Variants in ARB2A observed in about 807,000 individuals in gnomAD.
ARB2A encodes ARB2 cotranscriptional regulator A, also known as cotranscriptional regulator ARB2A.
At chr5:93,855,907 C>G in the ARB2A span, among the ~76,000 whole-genome samples, 2 of 151,848 alleles carry the variant, frequency 1.3e-5, no homozygotes, top group African/African-American at 4.8e-5. Flanking sequence ...AAGCAGAGCA[C>G]CTCTCCTCCT....
chr5:94,003,629 C>G, the ARB2A span, among the ~76,000 whole-genome samples: 1 of 151,604 alleles, frequency 6.6e-6, no homozygotes, highest in Admixed American at 6.6e-5. Flanking sequence ...AAATGAAATA[C>G]TTAGACACAA....
At chr5:94,061,655 T>C in the ARB2A span, among the ~76,000 whole-genome samples, 1 of 152,136 alleles carries the variant, frequency 6.6e-6, no homozygotes. Flanking sequence ...AAACCATCAA[T>C]AAACATGTGT....
chr5:93,777,404 C>T, the ARB2A span, among the ~76,000 whole-genome samples: 14 of 151,944 alleles, frequency 9.2e-5, no homozygotes, highest in Non-Finnish European at 4.4e-5. Flanking sequence ...TTAATAGTAA[C>T]GATGTAAGGT....
At chr5:94,086,292 CAT>C in the ARB2A span, among the ~76,000 whole-genome samples, 1 of 152,252 alleles carries the variant, frequency 6.6e-6, no homozygotes, top group East Asian at 1.9e-4. Flanking sequence ...TCACACAACA[CAT>C]AACAACATTT....
the ARB2A span, among the ~76,000 whole-genome samples, chr5:94,017,303 T>G: frequency 2.6e-5 from 4 of 152,164 alleles, no homozygotes; most frequent in African/African-American, 9.7e-5. Context: ...TTTCATCAGT[T>G]TGAAAGAAAG....
chr5:93,825,334 T>C, the ARB2A span, among the ~76,000 whole-genome samples: 2 of 152,146 alleles, frequency 1.3e-5, no homozygotes, highest in African/African-American at 2.4e-5. Context: ...CCTAAATTGA[T>C]GCAGATGGTC....
the ARB2A span, among the ~76,000 whole-genome samples, chr5:94,015,019 G>C: frequency 1.3e-5 from 2 of 151,832 alleles, no homozygotes; most frequent in African/African-American, 2.4e-5. Flanking sequence ...ACATGAGAAA[G>C]ACATAAATAT....
the ARB2A span, among the ~76,000 whole-genome samples, chr5:93,651,404 G>T: frequency 6.6e-6 from 1 of 152,132 alleles, no homozygotes; most frequent in East Asian, 1.9e-4. Context: ...CCAAAGTGCT[G>T]GGATTATAGG....
At chr5:93,801,640 G>T in the ARB2A span, among the ~76,000 whole-genome samples, 80 of 152,192 alleles carry the variant, frequency 5.3e-4, no homozygotes, top group Non-Finnish European at 8.5e-4. Context: ...ATACTGACTT[G>T]CTCAGGAATG....
At chr5:93,854,750 C>T in the ARB2A span, among the ~76,000 whole-genome samples, 3 of 152,110 alleles carry the variant, frequency 2.0e-5, no homozygotes, top group Non-Finnish European at 4.4e-5. Context: ...TGTTCAGTTT[C>T]CATGTAGTTG....
At chr5:93,854,363 C>G in the ARB2A span, among the ~76,000 whole-genome samples, 1 of 152,010 alleles carries the variant, frequency 6.6e-6, no homozygotes, top group Non-Finnish European at 1.5e-5. Context: ...CTTTATTAGT[C>G]TTGCTAGCAG....
the ARB2A span, among the ~76,000 whole-genome samples, chr5:93,651,986 A>C: frequency 6.6e-6 from 1 of 152,184 alleles, no homozygotes; most frequent in Admixed American, 6.5e-5. Context: ...AATATCAAAA[A>C]ATTTAACCCA....
the ARB2A span, chr5:94,053,282 A>T: frequency 1.0e-6 from 1 of 964,474 alleles, no homozygotes; most frequent in Non-Finnish European, 1.5e-6. Context: ...GTTTGTAACA[A>T]AGATTTTAAT....
At chr5:94,060,545 G>C in the ARB2A span, among the ~76,000 whole-genome samples, 2 of 152,072 alleles carry the variant, frequency 1.3e-5, no homozygotes, top group Non-Finnish European at 2.9e-5. Context: ...AAATTTTTCA[G>C]GTCAAGAAAG....
the ARB2A span, among the ~76,000 whole-genome samples, chr5:93,679,563 A>G: frequency 6.6e-6 from 1 of 152,128 alleles, no homozygotes; most frequent in Admixed American, 6.5e-5. Flanking sequence ...TTCTACTCTA[A>G]AGGCATTTTC....
At chr5:93,640,555 G>GGTGT in the ARB2A span, among the ~76,000 whole-genome samples, 3 of 147,500 alleles carry the variant, frequency 2.0e-5, no homozygotes, top group African/African-American at 7.6e-5. Context: ...TTCCTATAGG[G>GGTGT]GTGTGTGTGT....
the ARB2A span, among the ~76,000 whole-genome samples, chr5:93,948,255 G>A: frequency 6.6e-6 from 1 of 152,286 alleles, no homozygotes; most frequent in Non-Finnish European, 1.5e-5. Context: ...GCATTTCTCT[G>A]ATGGCCAGTG....
the ARB2A span, among the ~76,000 whole-genome samples, chr5:94,093,102 C>T: frequency 3.9e-5 from 6 of 152,060 alleles, no homozygotes; most frequent in African/African-American, 1.4e-4. Context: ...TTTGCTCAGT[C>T]ATTTAAGATA....
the ARB2A span, among the ~76,000 whole-genome samples, chr5:93,793,263 T>TTTTTTTC: frequency 7.3e-6 from 1 of 137,920 alleles, no homozygotes; most frequent in Non-Finnish European, 1.5e-5. Flanking sequence ...TTTTTTTTTT[T>TTTTTTTC]GGTAGAAACA....
Sources: allele counts gnomAD v4.1 joint callset (sites outside exome capture counted in the v4.1 genomes callset), GRCh38; gene constraint gnomAD v4.1.1; transcripts MANE v1.5; gene names NCBI Gene and HGNC (gene_info 2026-07-23, HGNC 2026-07-21).